Variants in SLC25A46 observed in about 807,000 individuals in gnomAD.
The protein encoded by SLC25A46 is mitochondrial outer membrane protein SLC25A46.
SLC25A46 carries 39 observed loss-of-function variants against 44.6 expected under a neutral mutation model. That is an observed-to-expected ratio of 0.87 (90% CI 0.68 to 1.14). The LOEUF (loss-of-function observed/expected upper bound fraction) is 1.14, where lower values mean the gene tolerates loss of function less well. SLC25A46 is among the 50% of genes most tolerant of loss of function. SLC25A46 has a pLI of 0.00. For missense variants in SLC25A46, 547 were observed against 522.7 expected (o/e 1.05, Z -0.45); for synonymous variants, 202 against 185.8 (o/e 1.09, Z -0.71).
At chr5:110,760,159 T>G (rs940839666) in intron 7 of SLC25A46, among the ~76,000 whole-genome samples, 2 of 152,142 alleles carry the variant, frequency 1.3e-5, no homozygotes, top group Non-Finnish European at 2.9e-5. Flanking sequence ...ATTCCCCCAG[T>G]TCCTCTGGAC....
chr5:110,746,163 G>T (rs1799812703), intron 3 of SLC25A46, 106 bp from the exon 4 acceptor site: 1 of 890,804 alleles, frequency 1.1e-6, no homozygotes, highest in South Asian at 1.5e-5. Context: ...GTTGACTTTG[G>T]AATTAACTTT....
At position 110,748,184 on chromosome 5, in the gene SLC25A46, G is replaced by C; in HGVS notation, c.484G>C (p.Gly162Arg). ...TTAGGGACCTAGAGCCCTGTGGAAA[G>C]GAATGGGAAGTACATTTATTGTCCA... ...KTQGPRALWK[G>R]MGSTFIVQGV... The change falls in exon 5 of 8, where the codon GGA becomes CGA. Residue 162 changes from glycine to arginine, a missense_variant. Physicochemically the swap from Gly to Arg is moderately radical, Grantham distance 125 (BLOSUM62 -2). Coordinates refer to ENST00000355943, the MANE Select transcript of SLC25A46 (RefSeq NM_138773.4). The C allele has an allele frequency of 6.2e-7, 1 of 1,613,322 alleles. No homozygotes were observed. The highest frequency in any genetic ancestry group is 8.5e-7 in the Non-Finnish European group (1 of 1,179,408).
intron 5 of SLC25A46, among the ~76,000 whole-genome samples, chr5:110,752,176 T>C (rs544135594): frequency 2.6e-5 from 4 of 152,258 alleles, no homozygotes; most frequent in Non-Finnish European, 5.9e-5. Context: ...TTAAATACAG[T>C]TTATGATCAA....
At chr5:110,753,756 C>G (rs917596867) in intron 5 of SLC25A46, 1 of 151,950 alleles carries the variant, frequency 6.6e-6, no homozygotes, top group African/African-American at 2.4e-5. Context: ...TAAGAATTGG[C>G]AGTAGTCATC....
intron 5 of SLC25A46, 119 bp downstream of exon 5, chr5:110,748,382 C>G: frequency 4.2e-6 from 3 of 711,156 alleles, no homozygotes; most frequent in Non-Finnish European, 7.2e-6. Flanking sequence ...GTTTGGACTT[C>G]TAATGATCCT....
chr5:110,754,119 C>T (rs77564383), intron 5 of SLC25A46: 7,672 of 151,982 alleles, frequency 0.05, 410 homozygotes, highest in African/African-American at 0.13. Flanking sequence ...TCTTAGAAAT[C>T]GGGGGTAGTT....
intron 2 of SLC25A46, among the ~76,000 whole-genome samples, chr5:110,742,876 C>A (rs1279338820): frequency 2.6e-5 from 4 of 151,900 alleles, no homozygotes; most frequent in Non-Finnish European, 5.9e-5. Context: ...TTAGTGAATA[C>A]CATTTTCAAA....
In SLC25A46 at chr5:110,739,291, G is replaced by T; in HGVS notation, c.172G>T (p.Gly58Cys). ...DIPGSRNLHW[G>C]EKSPPYGVPT... ...CCCCGGCAGCCGCAACCTGCACTGG[G>T]GCGAGAAGAGCCCGCCCTACGGCGT... Residue 58 changes from glycine (G) to cysteine (C), a missense_variant, in exon 1 of 8, where the codon GGC becomes TGC. Physicochemically the swap from Gly to Cys is radical, Grantham distance 159 (BLOSUM62 -3). Transcript: ENST00000355943. The T allele has an allele frequency of 1.3e-6, 2 of 1,573,792 alleles. No homozygotes were observed. The highest frequency in any genetic ancestry group is 8.6e-7 in the Non-Finnish European group (1 of 1,159,864).
intron 7 of SLC25A46, chr5:110,757,070 A>G (rs1800135587): frequency 4.8e-6 from 1 of 210,114 alleles, no homozygotes. Flanking sequence ...AGGCCCTTAC[A>G]TACAACTCAG....
Position 110,739,385 on chromosome 5 carries a change from T to G in SLC25A46, c.266T>G (p.Val89Gly). The G allele has an allele frequency of 6.5e-7, 1 of 1,546,684 alleles. No individual in the cohort carries two copies. Among genetic ancestry groups the G allele is most frequent in the Non-Finnish European group, 8.7e-7 (1 of 1,150,076 alleles). ...EPFSSGGGGS[V>G]QGQSSEQLNR... The stretch of plus-strand genomic sequence containing the variant: ...TTTTCCAGTGGCGGCGGCGGCAGTG[T>G]GCAGGGGCAGAGCAGTGGTGAGAAG... Residue 89 changes from valine (V) to glycine (G), a missense_variant, in exon 1 of 8, where the codon GTG (valine) becomes GGG (glycine). Physicochemically the swap from Val to Gly is moderately radical, Grantham distance 109 (BLOSUM62 -3). Coordinates refer to ENST00000355943, the MANE Select transcript of SLC25A46 (RefSeq NM_138773.4).
At chr5:110,759,713 CT>C (rs1264585370) in intron 7 of SLC25A46, among the ~76,000 whole-genome samples, 1 of 151,944 alleles carries the variant, frequency 6.6e-6, no homozygotes, top group Non-Finnish European at 1.5e-5. Flanking sequence ...GATGGAAAGT[CT>C]TTGATAGGTT....
At chr5:110,746,423 A>C in intron 4 of SLC25A46, 77 bp downstream of exon 4, 1 of 971,770 alleles carries the variant, frequency 1.0e-6, no homozygotes, top group Non-Finnish European at 1.5e-6. Context: ...AGCAAGAATA[A>C]TTACTTTCAG....
intron 1 of SLC25A46, 82 bp downstream of exon 1, chr5:110,739,484 G>A (rs1263297400): frequency 6.8e-7 from 1 of 1,476,778 alleles, no homozygotes; most frequent in Admixed American, 2.7e-5. Context: ...AAGCGGCGCA[G>A]AGGATCCCGC....
intron 2 of SLC25A46, among the ~76,000 whole-genome samples, 161 bp from the exon 3 acceptor site, chr5:110,743,569 A>G (rs1799741378): frequency 6.6e-6 from 1 of 152,048 alleles, no homozygotes; most frequent in South Asian, 2.1e-4. Flanking sequence ...TCATTTGCAA[A>G]CATTTCTAGA....
At chr5:110,738,874 A>T, upstream of SLC25A46, 1 of 915,434 alleles carries the variant, frequency 1.1e-6, no homozygotes, top group South Asian at 1.8e-5. Context: ...CCTATTCCCT[A>T]ACGACAACAA....
In SLC25A46 at chr5:110,763,972, A is replaced by T. The variant is rs566834519; in HGVS notation, c.*2190A>T. 2 of 152,010 alleles carry T rather than the reference A, an allele frequency of 1.3e-5. No individual in the cohort carries two copies. The highest frequency in any genetic ancestry group is 2.9e-5 in the Non-Finnish European group (2 of 67,862). The allele number at this position is 152,010 out of a possible 1,614,324, so 9.4% of individuals were successfully genotyped here. On this transcript the variant is annotated 3_prime_UTR_variant, in exon 8 of 8. Coordinates refer to ENST00000355943, the MANE Select transcript of SLC25A46 (RefSeq NM_138773.4). ...GAATTTTGAAAAGAATGAGTGAGAT[A>T]ACTGTAAGATACGCTCGTTCCCTTT...
intron 7 of SLC25A46, among the ~76,000 whole-genome samples, chr5:110,758,044 G>GT (rs1041404159): frequency 6.6e-6 from 1 of 151,798 alleles, no homozygotes; most frequent in Non-Finnish European, 1.5e-5. Flanking sequence ...CTGTGTATGT[G>GT]TTTTTTTTAA....
intron 2 of SLC25A46, among the ~76,000 whole-genome samples, chr5:110,742,909 T>C (rs1457101728): frequency 6.6e-6 from 1 of 152,096 alleles, no homozygotes; most frequent in African/African-American, 2.4e-5. Context: ...GCACAAAGCT[T>C]ACATTTCATG....
At chr5:110,756,889 A>ATTT in intron 7 of SLC25A46, 130 bp downstream of exon 7, 2 of 506,350 alleles carry the variant, frequency 3.9e-6, no homozygotes, top group Non-Finnish European at 6.7e-6. Flanking sequence ...TTTTATAAAT[A>ATTT]TCACAGTTAT....
Sources: gnomAD v4.1 joint callset for allele counts (sites outside exome capture counted in the v4.1 genomes callset) on GRCh38, gnomAD v4.1.1 for gene constraint, MANE v1.5 for transcripts, NCBI Gene and HGNC (gene_info 2026-07-23, HGNC 2026-07-21) for gene names.